FOCAD: variants seen among roughly 807,000 people sequenced by gnomAD.
The protein encoded by FOCAD is KIAA1797.
FOCAD carries 198 observed loss-of-function variants against 225.6 expected under a neutral mutation model. The observed-to-expected ratio is 0.88, with a 90% CI of 0.78 to 0.99. The LOEUF is 0.99. Ranked by LOEUF, FOCAD falls within the 50% of genes least tolerant of loss-of-function variation. The pLI, the probability that FOCAD is intolerant of heterozygous loss-of-function variation, is 0.00. For synonymous variants in FOCAD, 897 were observed against 755.0 expected (o/e 1.19, Z -3.08); for missense variants, 2,713 against 2,123.6 (o/e 1.28, Z -5.46).
intron 37 of FOCAD, 73 bp downstream of exon 37, chr9:20,978,527 T>G (rs1840407196): frequency 1.9e-6 from 2 of 1,051,166 alleles, no homozygotes; most frequent in Non-Finnish European, 2.7e-6. Flanking sequence ...TTCATTTGGG[T>G]GTGTGTTCTC....
intron 2 of FOCAD, among the ~76,000 whole-genome samples, chr9:20,674,458 C>T (rs1013845593): frequency 3.3e-5 from 5 of 152,114 alleles, no homozygotes; most frequent in Admixed American, 6.6e-5. Flanking sequence ...CATCTGTCAG[C>T]GCACCACTGG....
intron 21 of FOCAD, among the ~76,000 whole-genome samples, chr9:20,899,493 C>G (rs1252872962): frequency 2.0e-5 from 3 of 151,950 alleles, no homozygotes; most frequent in African/African-American, 4.8e-5. Context: ...GCACTTTGCT[C>G]TGTGACCTGA....
chr9:20,689,334 C>G (rs1433648522), intron 1 of FOCAD, among the ~76,000 whole-genome samples: 1 of 151,852 alleles, frequency 6.6e-6, no homozygotes, highest in Non-Finnish European at 1.5e-5. Context: ...GACTGTGGTA[C>G]CCAGGGAGGA....
intron 1 of FOCAD, among the ~76,000 whole-genome samples, chr9:20,688,925 T>G (rs989281897): frequency 1.3e-5 from 2 of 152,220 alleles, no homozygotes; most frequent in Admixed American, 1.3e-4. Context: ...GATAAATAGT[T>G]GGATTGATAC....
chr9:20,800,283 T>C (rs1587219067), intron 11 of FOCAD, among the ~76,000 whole-genome samples: 1 of 152,262 alleles, frequency 6.6e-6, no homozygotes, highest in East Asian at 2.0e-4. Flanking sequence ...CCTTAACATT[T>C]TTTCCTTCAT....
intron 8 of FOCAD, among the ~76,000 whole-genome samples, chr9:20,775,195 TG>T (rs1366482335): frequency 6.6e-6 from 1 of 152,240 alleles, no homozygotes; most frequent in Non-Finnish European, 1.5e-5. Flanking sequence ...TTAGTTTTTG[TG>T]GATTCGGTCT....
At chr9:20,868,296 A>G (rs1055318477) in intron 18 of FOCAD, among the ~76,000 whole-genome samples, 4 of 152,126 alleles carry the variant, frequency 2.6e-5, no homozygotes, top group Non-Finnish European at 5.9e-5. Flanking sequence ...CATTTAAATC[A>G]CAGCATAAAA....
intron 1 of FOCAD, among the ~76,000 whole-genome samples, chr9:20,699,808 A>ATC (rs1823781299): frequency 4.1e-5 from 5 of 123,042 alleles, no homozygotes; most frequent in African/African-American, 1.6e-4. Flanking sequence ...ATATATATAT[A>ATC]TATATATGAA....
At chr9:20,994,643 ATC>A (rs1841923716) in intron 43 of FOCAD, among the ~76,000 whole-genome samples, 1 of 152,200 alleles carries the variant, frequency 6.6e-6, no homozygotes, top group Admixed American at 6.5e-5. Flanking sequence ...TTCACTGAAA[ATC>A]AGGGCTGTGG....
At chr9:20,892,084 C>T (rs917470985) in intron 21 of FOCAD, among the ~76,000 whole-genome samples, 1 of 152,100 alleles carries the variant, frequency 6.6e-6, no homozygotes, top group African/African-American at 2.4e-5. Context: ...ACATGGTTTA[C>T]TGAATATTTT....
intron 2 of FOCAD, among the ~76,000 whole-genome samples, chr9:20,717,025 A>G (rs902606410): frequency 1.3e-5 from 2 of 152,208 alleles, no homozygotes; most frequent in African/African-American, 4.8e-5. Flanking sequence ...AGCTCAACCT[A>G]TCCATGGGTG....
intron 1 of FOCAD, among the ~76,000 whole-genome samples, chr9:20,698,495 G>A (rs779740431): frequency 6.6e-6 from 1 of 151,946 alleles, no homozygotes; most frequent in Non-Finnish European, 1.5e-5. Flanking sequence ...CGACCTCCTG[G>A]GCTCAAACAG....
chr9:20,904,350 C>T (rs1832782883), intron 21 of FOCAD, among the ~76,000 whole-genome samples: 1 of 151,844 alleles, frequency 6.6e-6, no homozygotes, highest in South Asian at 2.1e-4. Context: ...TTTTCCATAC[C>T]AGCTGAACCA....
At chr9:20,684,886 A>G (rs1038959122) in intron 1 of FOCAD, among the ~76,000 whole-genome samples, 1 of 152,250 alleles carries the variant, frequency 6.6e-6, no homozygotes, top group Non-Finnish European at 1.5e-5. Context: ...ACTTGAAGAA[A>G]GAGTATGTTA....
At chr9:20,944,551 A>G (rs955662393) in intron 28 of FOCAD, 76 bp from the exon 29 acceptor site, 1 of 1,519,486 alleles carries the variant, frequency 6.6e-7, no homozygotes, top group South Asian at 1.3e-5. Flanking sequence ...AGAGCTCTGT[A>G]AACACCCGTG....
At chr9:20,773,260 G>A (rs960758280) in intron 8 of FOCAD, among the ~76,000 whole-genome samples, 5 of 152,248 alleles carry the variant, frequency 3.3e-5, no homozygotes, top group Non-Finnish European at 7.4e-5. Context: ...CTTTGCTATG[G>A]CAATTAGTTG....
chr9:20,954,158 T>C (rs921130449), intron 35 of FOCAD, among the ~76,000 whole-genome samples: 1 of 152,224 alleles, frequency 6.6e-6, no homozygotes, highest in African/African-American at 2.4e-5. Context: ...GACATATGGT[T>C]ATGTCATTGT....
chr9:20,834,861 A>C (rs1299472894), intron 15 of FOCAD, among the ~76,000 whole-genome samples: 1 of 152,148 alleles, frequency 6.6e-6, no homozygotes, highest in African/African-American at 2.4e-5. Flanking sequence ...ATACATACAA[A>C]CTATATAACA....
At chr9:20,761,145 A>G (rs566047307) in intron 6 of FOCAD, among the ~76,000 whole-genome samples, 1 of 152,132 alleles carries the variant, frequency 6.6e-6, no homozygotes, top group East Asian at 1.9e-4. Flanking sequence ...AGCTGGGACT[A>G]TAGGCATGCA....
Sources: allele counts gnomAD v4.1 joint callset (sites outside exome capture counted in the v4.1 genomes callset), GRCh38; gene constraint gnomAD v4.1.1; transcripts MANE v1.5; gene names NCBI Gene and HGNC (gene_info 2026-07-23, HGNC 2026-07-21).